The following LARS2 variants were observed in gnomAD, a reference collection of about 807,000 sequenced individuals.
LARS2 encodes the protein leucyl-tRNA synthetase 2, mitochondrial, also known as leucine--tRNA ligase, mitochondrial.
A neutral mutation model predicts 116.6 loss-of-function variants in LARS2; 81 were observed. The observed-to-expected ratio is 0.69, with a 90% confidence interval of 0.58 to 0.84. The LOEUF (loss-of-function observed/expected upper bound fraction) is 0.84, where lower values mean the gene tolerates loss of function less well. Among genes scored for constraint, LARS2 ranks in the 40% least tolerant of loss-of-function variants. The pLI is 0.00. For synonymous variants in LARS2, 396 were observed against 407.2 expected (o/e 0.97, Z 0.33); for missense variants, 968 against 1,114.5 (o/e 0.87, Z 1.87).
chr3:45,462,428 AAAAAG>A (rs369581490), intron 8 of LARS2, among the ~76,000 whole-genome samples: 6,769 of 134,878 alleles, frequency 0.05, 139 homozygotes, highest in Middle Eastern at 0.07. Context: ...CCAAAAAAAA[AAAAAG>A]AAAGAAAGAA....
intron 14 of LARS2, among the ~76,000 whole-genome samples, chr3:45,497,006 A>G (rs773284739): frequency 1.3e-5 from 2 of 152,284 alleles, no homozygotes; most frequent in Non-Finnish European, 2.9e-5. Context: ...ACTGAAAAGA[A>G]TAATGTAACT....
intron 6 of LARS2, among the ~76,000 whole-genome samples, chr3:45,445,550 T>C (rs1384637579): frequency 1.3e-5 from 2 of 152,190 alleles, no homozygotes; most frequent in African/African-American, 4.8e-5. Flanking sequence ...GCTCAGAAAT[T>C]ATGGCTCTTG....
chr3:45,402,457 A>G (rs1698169564), intron 4 of LARS2, among the ~76,000 whole-genome samples: 1 of 152,246 alleles, frequency 6.6e-6, no homozygotes, highest in Non-Finnish European at 1.5e-5. Context: ...ATTGTTAATT[A>G]AACATTTACT....
chr3:45,420,282 G>A (rs555996335), intron 6 of LARS2, among the ~76,000 whole-genome samples: 6 of 152,200 alleles, frequency 3.9e-5, no homozygotes, highest in South Asian at 4.1e-4. Context: ...TGGAACACTC[G>A]TGTTGCAAAC....
Position 45,446,987 on chromosome 3 carries a change from T to C in LARS2, c.606+7T>C. 6.6e-7 allele frequency: 1 copy of C among 1,504,876 alleles called. No homozygotes were observed. Among genetic ancestry groups the C allele is most frequent in the Non-Finnish European group, 9.2e-7 (1 of 1,087,298 alleles). The allele number at this position is 1,504,876 out of a possible 1,614,324, so 93.2% of individuals were successfully genotyped here. A position where few individuals can be genotyped will look rare whatever the true frequency, so the allele number is the denominator to read the frequency against. On this transcript the variant is annotated splice_region_variant and intron_variant, in intron 7 of 21. Coordinates refer to ENST00000645846, the MANE Select transcript of LARS2 (RefSeq NM_015340.4). ...GCTGGCCTATCAAAAGGAGGTAAGT[T>C]AAAATTAGCTGGACTTTTAAAATTC... is the stretch of plus-strand genomic sequence containing the variant.
intron 17 of LARS2, among the ~76,000 whole-genome samples, chr3:45,517,230 C>A (rs1266612858): frequency 1.3e-5 from 2 of 152,158 alleles, no homozygotes; most frequent in East Asian, 3.9e-4. Context: ...AAGAAGCCTC[C>A]CAGAAGGTTC....
chr3:45,438,157 T>C (rs1698836979), intron 6 of LARS2, among the ~76,000 whole-genome samples: 1 of 152,152 alleles, frequency 6.6e-6, no homozygotes, highest in Admixed American at 6.5e-5. Flanking sequence ...TGGTAAGCAT[T>C]AGCTGTTACT....
At chr3:45,414,979 G>A (rs185526685) in intron 4 of LARS2, among the ~76,000 whole-genome samples, 11 of 152,316 alleles carry the variant, frequency 7.2e-5, no homozygotes, top group Non-Finnish European at 1.5e-5. Flanking sequence ...GACAGGGGCA[G>A]GGAGCCTGGC....
chr3:45,443,091 A>G (rs929135415), intron 6 of LARS2, among the ~76,000 whole-genome samples: 14 of 152,218 alleles, frequency 9.2e-5, no homozygotes, highest in Admixed American at 5.9e-4. Context: ...TATTTGCCAG[A>G]TGGTCTCTGG....
At chr3:45,446,867 A>G (rs2125704190) in intron 6 of LARS2, 24 bp from the exon 7 acceptor site, 4 of 1,474,116 alleles carry the variant, frequency 2.7e-6, no homozygotes, top group East Asian at 2.3e-5. Flanking sequence ...TGGCCTGTAC[A>G]TTATTTTTCT....
chr3:45,530,070 C>T (rs1700593031), intron 20 of LARS2, among the ~76,000 whole-genome samples: 1 of 152,250 alleles, frequency 6.6e-6, no homozygotes, highest in Middle Eastern at 3.2e-3. Flanking sequence ...GTTTGACCAT[C>T]TTTGCTTTAC....
intron 1 of LARS2, among the ~76,000 whole-genome samples, chr3:45,390,857 G>T (rs1211413610): frequency 6.6e-6 from 1 of 151,052 alleles, no homozygotes; most frequent in Admixed American, 6.6e-5. Context: ...TTTCACCGTG[G>T]TCTCGATCTC....
chr3:45,506,712 C>T (rs1363802636), intron 15 of LARS2, among the ~76,000 whole-genome samples: 4 of 152,060 alleles, frequency 2.6e-5, no homozygotes, highest in South Asian at 2.1e-4. Context: ...AGCTGAACTC[C>T]TTTGGGTCTC....
rs1456134487 is a variant in LARS2, at chr3:45,494,973, CAGG to C, written c.1524-1299_1524-1297del. On this transcript the variant is annotated intron_variant, in intron 13 of 21. Coordinates refer to ENST00000645846, the MANE Select transcript of LARS2 (RefSeq NM_015340.4). ...ATCCCAGTTACTCAGGAGGCTGAGGCAGGAGAATTGCTTGAGCCTAGGAGGCAG... is the reference window on the plus strand; with the variant it reads ...ATCCCAGTTACTCAGGAGGCTGAGGCAGAATTGCTTGAGCCTAGGAGGCAG... 1.2e-4 allele frequency among the ~76,000 whole-genome samples: 18 copies of C among 152,300 alleles called. No homozygotes were observed. The East Asian group carries it at 3.5e-3, about 29-fold the overall frequency.
rs934960438 is a variant in LARS2, at chr3:45,476,526, T to C, written c.917T>C (p.Ile306Thr). 1 of 1,614,054 alleles carries C rather than the reference T, an allele frequency of 6.2e-7. No homozygotes were observed. Among genetic ancestry groups the C allele is most frequent in the African/African-American group, 1.3e-5 (1 of 74,932 alleles). ...GCCTATACGGCCACCCCTGAAGCCA[T>C]TTATGGCACCTCCCACGTGGCCATC... ...LTAYTATPEA[I>T]YGTSHVAISP... The change falls in exon 10 of 22, where the codon ATT becomes ACT. Residue 306 changes from isoleucine to threonine, a missense_variant. By Grantham distance (89) the Ile-to-Thr change is moderately conservative. Transcript: ENST00000645846.
intron 20 of LARS2, among the ~76,000 whole-genome samples, chr3:45,535,970 A>G (rs1166300232): frequency 6.6e-6 from 1 of 152,178 alleles, no homozygotes; most frequent in African/African-American, 2.4e-5. Context: ...CTGTGAATCT[A>G]TAATTATTGC....
Position 45,547,573 on chromosome 3 carries a change from T to G in LARS2, c.*43T>G, listed in dbSNP as rs1311133805. The G allele has an allele frequency of 6.5e-7, 1 of 1,539,662 alleles. No homozygotes were observed. Among genetic ancestry groups the G allele is most frequent in the Non-Finnish European group, 8.8e-7 (1 of 1,135,100 alleles). On this transcript the variant is annotated 3_prime_UTR_variant, in exon 22 of 22. Transcript: ENST00000645846. ...CTACCACGAGGGCCTCTGAGGAACC[T>G]CCTTCCAGGCCTGGGATGAGGGGGC...
intron 10 of LARS2, among the ~76,000 whole-genome samples, chr3:45,481,592 C>G (rs1699703269): frequency 6.6e-6 from 1 of 152,180 alleles, no homozygotes; most frequent in African/African-American, 2.4e-5. Flanking sequence ...TTGCATTTCC[C>G]TGATACATCT....
intron 20 of LARS2, among the ~76,000 whole-genome samples, chr3:45,533,141 CTTTTTTTTTT>C (rs3085466): frequency 9.8e-5 from 5 of 51,020 alleles, no homozygotes; most frequent in Admixed American, 7.0e-4. Context: ...CACATTAAGT[CTTTTTTTTTT>C]TTTTTTTTTT....
Sources: gnomAD v4.1 joint callset for allele counts (sites outside exome capture counted in the v4.1 genomes callset) on GRCh38, gnomAD v4.1.1 for gene constraint, MANE v1.5 for transcripts, NCBI Gene and HGNC (gene_info 2026-07-23, HGNC 2026-07-21) for gene names.